Variants in DAND5 observed in about 807,000 individuals in gnomAD.
The protein encoded by DAND5 is DAN domain family member 5.
In DAND5, 8 loss-of-function variants were observed where a neutral mutation model predicts 9.2. That is an observed-to-expected ratio of 0.87 (90% CI 0.51 to 1.56). The LOEUF (loss-of-function observed/expected upper bound fraction) is 1.56. Among genes scored for constraint, DAND5 ranks in the 40% most tolerant of loss-of-function variants. The pLI, the probability that DAND5 is intolerant of heterozygous loss-of-function variation, is 0.00. For synonymous variants in DAND5, 95 were observed against 101.1 expected (o/e 0.94, Z 0.36); for missense variants, 244 against 244.7 (o/e 1.00, Z 0.02).
At chr19:12,970,872 G>A (rs902583134) in intron 1 of DAND5, among the ~76,000 whole-genome samples, 2 of 152,134 alleles carry the variant, frequency 1.3e-5, no homozygotes, top group Non-Finnish European at 2.9e-5. Flanking sequence ...GTAGAGACGT[G>A]GTTTGGCCAT....
At chr19:12,972,128 G>C (rs2011148643) in intron 1 of DAND5, among the ~76,000 whole-genome samples, 1 of 147,018 alleles carries the variant, frequency 6.8e-6, no homozygotes. Flanking sequence ...GTGGGATCTC[G>C]GCTCACTGCA....
At chr19:12,971,736 G>T (rs538028578) in intron 1 of DAND5, among the ~76,000 whole-genome samples, 1 of 151,606 alleles carries the variant, frequency 6.6e-6, no homozygotes, top group Non-Finnish European at 1.5e-5. Flanking sequence ...GACCACGGGC[G>T]CCTGCCACCA....
chr19:12,971,555 G>T (rs2011145595), intron 1 of DAND5, among the ~76,000 whole-genome samples: 1 of 151,896 alleles, frequency 6.6e-6, no homozygotes, highest in South Asian at 2.1e-4. Context: ...GAGATTACAG[G>T]CATGAGCCAC....
At chr19:12,970,340 G>A (rs2011139978) in intron 1 of DAND5, 4 of 645,408 alleles carry the variant, frequency 6.2e-6, no homozygotes, top group South Asian at 1.8e-5. Context: ...TGTACTCTCT[G>A]ATCCTGTTAC....
chr19:12,970,096 C>A, intron 1 of DAND5, 112 bp downstream of exon 1: 1 of 1,277,188 alleles, frequency 7.8e-7, no homozygotes, highest in Admixed American at 2.5e-5. Context: ...ACCTGAATGT[C>A]TCGGTGCCTC....
intron 1 of DAND5, chr19:12,970,417 T>C: frequency 1.4e-6 from 1 of 698,898 alleles, no homozygotes; most frequent in Non-Finnish European, 2.6e-6. Flanking sequence ...AGCCTCCTTT[T>C]CCTCAGACAC....
intron 1 of DAND5, chr19:12,970,638 T>G: frequency 2.1e-6 from 1 of 467,074 alleles, no homozygotes; most frequent in East Asian, 3.3e-5. Context: ...TTTCTTTTTT[T>G]CTCTTTCTTT....
intron 1 of DAND5, among the ~76,000 whole-genome samples, chr19:12,973,021 C>T (rs1272396558): frequency 1.3e-5 from 2 of 151,770 alleles, no homozygotes; most frequent in African/African-American, 4.8e-5. Flanking sequence ...CACCACCACG[C>T]CCGGCTCATT....
Position 12,973,374 on chromosome 19 carries a change from T to C in DAND5, c.325-15T>C, listed in dbSNP as rs1182470522. On this transcript the variant is annotated splice_polypyrimidine_tract_variant and intron_variant, in intron 1 of 1. Transcript: ENST00000317060. ...AACTCCGCCACCCTGACCGTCTCCA[T>C]GCCTCCGGCCCCAGGTGTTCTCCCG... The C allele has an allele frequency of 1.2e-6, 2 of 1,612,914 alleles. No homozygotes were observed. The highest frequency in any genetic ancestry group is 1.7e-5 in the Admixed American group (1 of 59,978).
chr19:12,971,870 C>T (rs772734395), intron 1 of DAND5, among the ~76,000 whole-genome samples: 3 of 151,882 alleles, frequency 2.0e-5, no homozygotes, highest in East Asian at 3.9e-4. Flanking sequence ...GGATTACAGG[C>T]GTGAGCCACC....
At chr19:12,972,056 A>ATTTTT (rs1491209751) in intron 1 of DAND5, among the ~76,000 whole-genome samples, 1 of 108,860 alleles carries the variant, frequency 9.2e-6, no homozygotes, top group African/African-American at 2.8e-5. Context: ...AGCCCAGCTA[A>ATTTTT]TATTTTTTTT....
chr19:12,970,647 T>C, intron 1 of DAND5: 1 of 474,176 alleles, frequency 2.1e-6, no homozygotes, highest in Non-Finnish European at 3.7e-6. Context: ...TTCTCTTTCT[T>C]TCTTTCTTTC....
At position 12,973,380 on chromosome 19, in the gene DAND5, C is replaced by T. The variant is rs536950778; in HGVS notation, c.325-9C>T. 1.9e-5 allele frequency: 31 copies of T among 1,613,322 alleles called. No individual in the cohort carries two copies. The highest frequency in any genetic ancestry group is 1.7e-4 in the Middle Eastern group (1 of 6,056). ...GCCACCCTGACCGTCTCCATGCCTC[C>T]GGCCCCAGGTGTTCTCCCGGCCCGG... On this transcript the variant is annotated splice_polypyrimidine_tract_variant and intron_variant, in intron 1 of 1. Coordinates refer to ENST00000317060, the MANE Select transcript of DAND5 (RefSeq NM_152654.3).
rs1568239694 is a variant in DAND5, at chr19:12,973,848, A to G, written c.*214A>G. 1.7e-6 allele frequency: 1 copy of G among 598,994 alleles called. No homozygotes were observed. Among genetic ancestry groups the G allele is most frequent in the Non-Finnish European group, 2.8e-6 (1 of 360,886 alleles). 37.1% of individuals were successfully genotyped at this position (598,994 alleles called of 1,614,324 possible). On this transcript the variant is annotated 3_prime_UTR_variant, in exon 2 of 2. Coordinates refer to ENST00000317060, the MANE Select transcript of DAND5 (RefSeq NM_152654.3). ...GCACCACTGATAGTCACAGCACACA[A>G]TGATTGACAACTCACTTTTTTTTTT...
At chr19:12,973,069 G>C (rs4804746) in intron 1 of DAND5, among the ~76,000 whole-genome samples, 13 of 151,530 alleles carry the variant, frequency 8.6e-5, no homozygotes, top group African/African-American at 1.9e-4. Flanking sequence ...TCACCGTGTT[G>C]GCCAGGATGG....
Position 12,969,677 on chromosome 19 carries a change from T to C in DAND5, c.17T>C (p.Leu6Pro), listed in dbSNP as rs765798296. Reference sequence around the variant, plus strand: ...GACAAGCAGATGCTCCTTGGCCAGCTATCCACTCTTCTGTGCCTGCTTAGC... The same window carrying C: ...GACAAGCAGATGCTCCTTGGCCAGCCATCCACTCTTCTGTGCCTGCTTAGC... MLLGQ[L>P]STLLCLLSGA... Residue 6 changes from leucine (L) to proline (P), a missense_variant, in exon 1 of 2, where the codon CTA becomes CCA. Physicochemically the swap from Leu to Pro is moderately conservative, Grantham distance 98 (BLOSUM62 -3). Coordinates refer to ENST00000317060, the MANE Select transcript of DAND5 (RefSeq NM_152654.3). 6.2e-7 allele frequency: 1 copy of C among 1,605,868 alleles called. No homozygotes were observed. Among genetic ancestry groups the C allele is most frequent in the Non-Finnish European group, 8.5e-7 (1 of 1,176,458 alleles).
intron 1 of DAND5, chr19:12,970,642 TTTC>T (rs2011142099): frequency 4.6e-6 from 2 of 437,268 alleles, no homozygotes; most frequent in Admixed American, 8.4e-5. Flanking sequence ...TTTTTTTCTC[TTTC>T]TTTCTTTCTT....
rs779286827 is a variant in DAND5, at chr19:12,973,534, C to CCGTGGT, written c.472_477dup (p.Val158_Val159dup). 2 of 1,614,050 alleles carry CCGTGGT rather than the reference C, an allele frequency of 1.2e-6. No individual in the cohort carries two copies. The highest frequency in any genetic ancestry group is 2.7e-5 in the African/African-American group (2 of 74,918). ...ATGCCTGCTCGCAAGCGTTGGGCAC[C>CCGTGGT]CGTGGTCCTGTGGTGTCTCACTGGC... On this transcript the variant is annotated inframe_insertion, in exon 2 of 2. Coordinates refer to ENST00000317060, the MANE Select transcript of DAND5 (RefSeq NM_152654.3).
intron 1 of DAND5, among the ~76,000 whole-genome samples, chr19:12,971,371 C>T (rs991101595): frequency 6.6e-6 from 1 of 151,930 alleles, no homozygotes. Context: ...CTCCGCCTCC[C>T]GGGTTCAAGC....
Sources: gnomAD v4.1 joint callset for allele counts (sites outside exome capture counted in the v4.1 genomes callset) on GRCh38, gnomAD v4.1.1 for gene constraint, MANE v1.5 for transcripts, NCBI Gene and HGNC (gene_info 2026-07-23, HGNC 2026-07-21) for gene names.